FBXL16: variants seen among roughly 807,000 people sequenced by gnomAD.
The protein encoded by FBXL16 is F-box and leucine rich repeat protein 16.
In FBXL16, 7 loss-of-function variants were observed where a neutral mutation model predicts 36.7. The observed-to-expected ratio is 0.19, with a 90% CI of 0.11 to 0.36. The LOEUF is 0.36. FBXL16 is among the 10% of genes least tolerant of loss of function. FBXL16 has a pLI of 1.00. For synonymous variants in FBXL16, 355 were observed against 308.7 expected, an observed-to-expected ratio of 1.15 and a Z score of -1.57; for missense variants, 463 against 659.4, an observed-to-expected ratio of 0.70 and a Z score of 3.26.
intron 3 of FBXL16, 49 bp downstream of exon 3, chr16:695,366 G>T (rs536009239): frequency 9.0e-6 from 12 of 1,326,644 alleles, no homozygotes; most frequent in East Asian, 3.4e-5. Context: ...CCCGCCCCGT[G>T]CAGCCCCGCC....
chr16:700,550 G>T (rs1003717025), intron 1 of FBXL16, among the ~76,000 whole-genome samples: 5 of 152,196 alleles, frequency 3.3e-5, no homozygotes, highest in Non-Finnish European at 7.4e-5. Context: ...TTTGCCCCAG[G>T]TGTCCGGGGA....
At chr16:704,797 C>G (rs2040079714) in intron 1 of FBXL16, among the ~76,000 whole-genome samples, 1 of 152,232 alleles carries the variant, frequency 6.6e-6, no homozygotes, top group Admixed American at 6.5e-5. Flanking sequence ...GAGCCTGGAG[C>G]CTGGGAAGGG....
In FBXL16 at chr16:695,095, G is replaced by A. The variant is rs750594715; in HGVS notation, c.1143-19C>T. The A allele has an allele frequency of 1.9e-6, 3 of 1,598,230 alleles. No homozygotes were observed. Among genetic ancestry groups the A allele is most frequent in the Non-Finnish European group, 2.6e-6 (3 of 1,172,552 alleles). Reference sequence around the variant, plus strand: ...TACACACCTGTGGTTGCACCAGAGGGGACCCCCACCTTCAAATCACCTGGC... The same window carrying A: ...TACACACCTGTGGTTGCACCAGAGGAGACCCCCACCTTCAAATCACCTGGC... On this transcript the variant is annotated intron_variant, in intron 3 of 5. Transcript: ENST00000397621.
chr16:698,801 C>G (rs1486090859), intron 1 of FBXL16, among the ~76,000 whole-genome samples: 1 of 151,100 alleles, frequency 6.6e-6, no homozygotes, highest in African/African-American at 2.4e-5. Flanking sequence ...GTAATCCCAG[C>G]TACTTGGGAG....
chr16:695,207 C>A, intron 3 of FBXL16, 131 bp from the exon 4 acceptor site: 1 of 1,187,606 alleles, frequency 8.4e-7, no homozygotes, highest in Admixed American at 2.4e-5. Context: ...CCTCCTCGCT[C>A]CCACCCACCG....
In FBXL16 at chr16:694,427, C is replaced by A; in HGVS notation, c.1292-4G>T. 6.5e-7 allele frequency: 1 copy of A among 1,542,166 alleles called. No homozygotes were observed. Among genetic ancestry groups the A allele is most frequent in the Non-Finnish European group, 8.7e-7 (1 of 1,152,746 alleles). ...GTGGTGGTGAGCAGCGGGCAGCCTG[C>A]GGCGGGGTCAGAGGGCGGCTCAGTG... On this transcript the variant is annotated splice_region_variant and splice_polypyrimidine_tract_variant and intron_variant, in intron 5 of 5. Transcript: ENST00000397621.
chr16:700,742 G>T (rs2040049620), intron 1 of FBXL16, among the ~76,000 whole-genome samples: 1 of 152,204 alleles, frequency 6.6e-6, no homozygotes, highest in African/African-American at 2.4e-5. Flanking sequence ...CGCCAGGGAC[G>T]CCTGGGCCTC....
chr16:695,723 G>A lies in FBXL16; in HGVS notation c.834C>T (p.Tyr278=). ...AGGCCAGCGCCGTGTCCGTCACGTG[G>A]TAGGCCTGCAGGCTCAGCTCCGCCA... ...PNLAELSLQA[Y]HVTDTALAYF... is the part of the protein sequence containing the mutation. Residue 278 remains tyrosine (Y), a synonymous_variant, in exon 3 of 6, where the codon TAC becomes TAT. Transcript: ENST00000397621. The A allele has an allele frequency of 6.2e-7, 1 of 1,604,018 alleles. No homozygotes were observed. Among genetic ancestry groups the A allele is most frequent in the South Asian group, 1.1e-5 (1 of 91,006 alleles).
At chr16:705,474 C>A (rs1206076911) in intron 1 of FBXL16, 38 bp downstream of exon 1, 1 of 150,350 alleles carries the variant, frequency 6.7e-6, no homozygotes, top group South Asian at 2.1e-4. Flanking sequence ...GGCCTGGCCC[C>A]CTCCCGGCCC....
Position 695,555 on chromosome 16 carries a change from G to A in FBXL16, c.1002C>T (p.Thr334=). 6.2e-7 allele frequency: 1 copy of A among 1,603,458 alleles called. No individual in the cohort carries two copies. The highest frequency in any genetic ancestry group is 8.5e-7 in the Non-Finnish European group (1 of 1,178,918). Residue 334 remains threonine (T), a synonymous_variant, in exon 3 of 6, where the codon ACC becomes ACT. Transcript: ENST00000397621. ...ALSLSGCSKV[T]DDGVELVAEN... The stretch of plus-strand genomic sequence containing the variant: ...CGGCCACGAGCTCCACGCCGTCGTC[G>A]GTGACCTTGGAGCAGCCCGAGAGGC...
At chr16:694,567 T>C (rs1475782189) in intron 5 of FBXL16, 67 bp downstream of exon 5, 2 of 1,541,430 alleles carry the variant, frequency 1.3e-6, no homozygotes, top group African/African-American at 1.4e-5. Context: ...ACCGGGCAGG[T>C]TGGGCGGGTG....
intron 1 of FBXL16, among the ~76,000 whole-genome samples, chr16:705,117 C>G (rs1408897602): frequency 2.0e-5 from 3 of 152,120 alleles, no homozygotes; most frequent in South Asian, 2.1e-4. Context: ...CGCACATCCA[C>G]GCGACCCCCA....
At chr16:704,534 C>T (rs1349823144) in intron 1 of FBXL16, among the ~76,000 whole-genome samples, 2 of 152,244 alleles carry the variant, frequency 1.3e-5, no homozygotes, top group African/African-American at 4.8e-5. Flanking sequence ...TTCCACTAGG[C>T]CTCTGCCCTG....
chr16:695,152 C>T (rs1287069207), intron 3 of FBXL16, 76 bp from the exon 4 acceptor site: 11 of 1,464,208 alleles, frequency 7.5e-6, no homozygotes, highest in Non-Finnish European at 9.3e-7. Flanking sequence ...TGGGAGTGCC[C>T]CTGGCGTGAA....
At chr16:694,480 G>C (rs1301045154) in intron 5 of FBXL16, 57 bp from the exon 6 acceptor site, 1 of 1,498,166 alleles carries the variant, frequency 6.7e-7, no homozygotes, top group Admixed American at 2.2e-5. Flanking sequence ...GGGCGGGGAC[G>C]GCCGGGCCGC....
chr16:700,147 T>C (rs990011825), intron 1 of FBXL16, among the ~76,000 whole-genome samples: 1 of 152,278 alleles, frequency 6.6e-6, no homozygotes, highest in East Asian at 1.9e-4. Context: ...TTGCCACCGG[T>C]CCACATCTGG....
intron 1 of FBXL16, among the ~76,000 whole-genome samples, chr16:699,566 G>T (rs2040040920): frequency 6.6e-6 from 1 of 152,206 alleles, no homozygotes; most frequent in South Asian, 2.1e-4. Flanking sequence ...CTCCCTTGGG[G>T]CATTGCAAAG....
At chr16:702,656 C>T (rs147084447) in intron 1 of FBXL16, among the ~76,000 whole-genome samples, 77 of 152,330 alleles carry the variant, frequency 5.1e-4, no homozygotes, top group African/African-American at 1.8e-3. Flanking sequence ...GCGGGGAAGG[C>T]ACAGCTCGGG....
Position 697,385 on chromosome 16 carries a change from G to A in FBXL16, c.21C>T (p.Asp7=), listed in dbSNP as rs1321130145. 31 of 1,535,776 alleles carry A rather than the reference G, an allele frequency of 2.0e-5. No homozygotes were observed. The highest frequency in any genetic ancestry group is 1.2e-4 in the South Asian group (10 of 84,000). MSSPGI[D]GDPKPPCLPR... is the part of the protein sequence containing the mutation. Reference sequence around the variant, plus strand: ...GCAAGCATGGAGGCTTGGGGTCGCCGTCGATGCCCGGGCTCGACATCTTCC... The same window carrying A: ...GCAAGCATGGAGGCTTGGGGTCGCCATCGATGCCCGGGCTCGACATCTTCC... Residue 7 remains aspartate, a synonymous_variant, in exon 2 of 6, where the codon GAC becomes GAT. Coordinates refer to ENST00000397621, the MANE Select transcript of FBXL16 (RefSeq NM_153350.4). The surrounding 1 kb of genome is among the most constrained non-coding windows in gnomAD (Gnocchi z 4.6).
Sources: gnomAD v4.1 joint callset for allele counts (sites outside exome capture counted in the v4.1 genomes callset) on GRCh38, gnomAD v4.1.1 for gene constraint, Gnocchi (gnomAD v3.1) non-coding constraint, MANE v1.5 for transcripts, NCBI Gene and HGNC (gene_info 2026-07-23, HGNC 2026-07-21) for gene names.